LMNTD1: variants seen among roughly 807,000 people sequenced by gnomAD.
The protein encoded by LMNTD1 is lamin tail domain containing 1.
In LMNTD1, 35 loss-of-function variants were observed where a neutral mutation model predicts 50.9. That is an observed-to-expected ratio of 0.69 (90% CI 0.53 to 0.91). LMNTD1 has a LOEUF of 0.91. Ranked by LOEUF, LMNTD1 falls within the 40% of genes least tolerant of loss-of-function variation. The probability of loss-of-function intolerance (pLI) is 0.00; values close to 1 mark genes in which losing one functional copy is unlikely to be tolerated. For synonymous variants in LMNTD1, 153 were observed against 161.9 expected (o/e 0.94, Z 0.42); for missense variants, 470 against 475.5 (o/e 0.99, Z 0.11).
intron 1 of LMNTD1, among the ~76,000 whole-genome samples, chr12:25,611,834 C>T (rs1565518743): frequency 6.6e-6 from 1 of 152,232 alleles, no homozygotes; most frequent in Non-Finnish European, 1.5e-5. Context: ...GAATGGACCT[C>T]ATTTTATGCC....
At chr12:25,503,683 C>T in intron 9 of LMNTD1, 55 bp downstream of exon 9, 2 of 897,640 alleles carry the variant, frequency 2.2e-6, no homozygotes, top group Non-Finnish European at 3.7e-6. Context: ...CTGCCCATTA[C>T]TTTAGTCATA....
At chr12:25,512,183 TG>T (rs1940352103) in intron 8 of LMNTD1, among the ~76,000 whole-genome samples, 1 of 152,246 alleles carries the variant, frequency 6.6e-6, no homozygotes, top group Admixed American at 6.5e-5. Context: ...ACATTTGCTT[TG>T]GTTATATAGG....
chr12:25,561,723 C>T (rs1182793423), intron 1 of LMNTD1, among the ~76,000 whole-genome samples: 1 of 152,088 alleles, frequency 6.6e-6, no homozygotes, highest in Non-Finnish European at 1.5e-5. Context: ...GTTGATCTGT[C>T]TAATGTTGGC....
chr12:25,533,677 G>C (rs1299469238), intron 4 of LMNTD1, among the ~76,000 whole-genome samples: 3 of 152,106 alleles, frequency 2.0e-5, no homozygotes, highest in Non-Finnish European at 4.4e-5. Flanking sequence ...AAGATTCAGG[G>C]AACTTAATTC....
chr12:25,612,331 C>CGCGT (rs1477721555), intron 1 of LMNTD1, among the ~76,000 whole-genome samples: 3 of 151,564 alleles, frequency 2.0e-5, no homozygotes, highest in South Asian at 4.2e-4. Flanking sequence ...CACACACACG[C>CGCGT]GCTCCCACTG....
chr12:25,635,240 CAAAAAAA>C, intron 1 of LMNTD1, among the ~76,000 whole-genome samples: 1 of 114,128 alleles, frequency 8.8e-6, no homozygotes, highest in East Asian at 2.5e-4. Context: ...AACTCTGTCT[CAAAAAAA>C]AAAAGAAAAA....
Position 25,571,776 on chromosome 12 carries a change from T to G in LMNTD1, c.59-25222A>C, listed in dbSNP as rs181548163. ...GCTCTGCCTCCCGGGTTCAAGCAAT[T>G]CTCGTGCCTCAGTTTCTCAAGTAGT... is the stretch of plus-strand genomic sequence containing the variant. On this transcript the variant is annotated intron_variant, in intron 1 of 7. Coordinates refer to the LMNTD1 transcript ENST00000445693. Among the ~76,000 whole-genome samples the G allele has an allele frequency of 4.2e-4, 64 of 152,268 alleles. No homozygotes were observed. The Middle Eastern group carries it at 0.01, about 24-fold the overall frequency.
intron 4 of LMNTD1, among the ~76,000 whole-genome samples, chr12:25,537,144 T>C (rs2136159023): frequency 6.6e-6 from 1 of 152,096 alleles, no homozygotes; most frequent in African/African-American, 2.4e-5. Context: ...GCAGCGAGGC[T>C]GGGGGAGGGG....
chr12:25,555,732 C>T (rs909391836), upstream of LMNTD1, among the ~76,000 whole-genome samples: 21 of 152,126 alleles, frequency 1.4e-4, no homozygotes, highest in Non-Finnish European at 2.5e-4. Context: ...TGGGCCATGA[C>T]TTGTAATTAT....
intron 1 of LMNTD1, among the ~76,000 whole-genome samples, chr12:25,609,139 G>A (rs1033402043): frequency 2.6e-5 from 4 of 151,998 alleles, no homozygotes; most frequent in South Asian, 2.1e-4. Context: ...TGCATGCATC[G>A]CATAGTTCTC....
At position 25,546,490 on chromosome 12, in the gene LMNTD1, ATCT is replaced by A. The variant is rs1234407043; in HGVS notation, c.372_374del (p.Glu124del). On this transcript the variant is annotated inframe_deletion, in exon 4 of 10. Coordinates refer to ENST00000458174, the MANE Select transcript of LMNTD1 (RefSeq NM_001145728.2). The stretch of plus-strand genomic sequence containing the variant: ...AATCACCAAACAAAGAAAGGAAATA[ATCT>A]TCTCCATCCCCAATCATGGGTGATT... 3.1e-6 allele frequency: 5 copies of A among 1,597,530 alleles called. No individual in the cohort carries two copies. The highest frequency in any genetic ancestry group is 1.7e-5 in the Admixed American group (1 of 58,602).
At chr12:25,581,129 A>G (rs933733955) in intron 1 of LMNTD1, among the ~76,000 whole-genome samples, 33 of 152,224 alleles carry the variant, frequency 2.2e-4, no homozygotes, top group African/African-American at 7.7e-4. Flanking sequence ...AGCAGCGTAC[A>G]TAAGACATCA....
intron 1 of LMNTD1, among the ~76,000 whole-genome samples, chr12:25,599,473 A>C (rs911192721): frequency 7.2e-5 from 11 of 152,200 alleles, no homozygotes; most frequent in South Asian, 2.1e-4. Flanking sequence ...AGAGAAAGAA[A>C]TGAAGGGTAT....
upstream of LMNTD1, among the ~76,000 whole-genome samples, chr12:25,555,033 C>G (rs998731845): frequency 1.3e-5 from 2 of 150,408 alleles, no homozygotes; most frequent in African/African-American, 4.9e-5. Flanking sequence ...CCACTGCATT[C>G]CAGCTTGGGT....
chr12:25,527,640 C>CCATA (rs1941830446), intron 4 of LMNTD1, among the ~76,000 whole-genome samples: 1 of 61,722 alleles, frequency 1.6e-5, no homozygotes, highest in Non-Finnish European at 3.1e-5. Flanking sequence ...CTTAATAACA[C>CCATA]TATATATATA....
intron 8 of LMNTD1, among the ~76,000 whole-genome samples, chr12:25,512,439 T>A (rs1362683089): frequency 6.6e-6 from 1 of 152,156 alleles, no homozygotes; most frequent in Non-Finnish European, 1.5e-5. Context: ...AAATAATTAA[T>A]GCAAATACGA....
At chr12:25,478,767 C>T (rs1317490772) in intron 9 of LMNTD1, among the ~76,000 whole-genome samples, 2 of 152,086 alleles carry the variant, frequency 1.3e-5, no homozygotes, top group Non-Finnish European at 2.9e-5. Flanking sequence ...GTCTGGGCAA[C>T]AAGAGCGAAA....
In LMNTD1 at chr12:25,476,381, C is replaced by G. The variant is rs984425035; in HGVS notation, c.*102G>C. ...ATGTCTTCACCCTCTCATGGAATAG[C>G]AGGGAGGTTGCAGAGCAGGCCTCAG... On this transcript the variant is annotated 3_prime_UTR_variant, in exon 10 of 10. Transcript: ENST00000458174. 2 of 152,158 alleles carry G rather than the reference C, an allele frequency of 1.3e-5. No homozygotes were observed. Among genetic ancestry groups the G allele is most frequent in the East Asian group, 3.9e-4 (2 of 5,192 alleles). The allele number at this position is 152,158 out of a possible 1,614,324, so 9.4% of individuals were successfully genotyped here. A position where few individuals can be genotyped will look rare whatever the true frequency, so the allele number is the denominator to read the frequency against.
intron 4 of LMNTD1, among the ~76,000 whole-genome samples, chr12:25,537,261 A>G (rs1358730366): frequency 9.2e-5 from 14 of 152,182 alleles, no homozygotes; most frequent in Admixed American, 9.2e-4. Flanking sequence ...TGTAGGCTCC[A>G]CCTCTGGGGG....
Sources: gnomAD v4.1 joint callset for allele counts (sites outside exome capture counted in the v4.1 genomes callset) on GRCh38, gnomAD v4.1.1 for gene constraint, MANE v1.5 for transcripts, NCBI Gene and HGNC (gene_info 2026-07-23, HGNC 2026-07-21) for gene names.